Variants in NCKAP5 observed in about 807,000 individuals in gnomAD.
NCKAP5 encodes nck-associated protein 5.
In NCKAP5, 92 loss-of-function variants were observed where a neutral mutation model predicts 167.0. The ratio of observed to expected loss-of-function variants is 0.55; its 90% CI spans 0.47 to 0.66. The LOEUF is 0.66. Ranked by LOEUF, NCKAP5 falls within the 30% of genes least tolerant of loss-of-function variation. The probability of loss-of-function intolerance (pLI) is 0.00; values close to 1 mark genes in which losing one functional copy is unlikely to be tolerated. For synonymous variants in NCKAP5, 891 were observed against 877.4 expected, an observed-to-expected ratio of 1.02 and a Z score of -0.27; for missense variants, 2,378 against 2,315.0, an observed-to-expected ratio of 1.03 and a Z score of -0.56.
chr2:133,218,174 C>T (rs1223953165), intron 4 of NCKAP5, among the ~76,000 whole-genome samples: 2 of 151,822 alleles, frequency 1.3e-5, no homozygotes, highest in Non-Finnish European at 2.9e-5. Context: ...TATTAAATCA[C>T]CAAAAAGCCA....
At chr2:132,832,491 C>A (rs1475346380) in intron 11 of NCKAP5, among the ~76,000 whole-genome samples, 1 of 151,986 alleles carries the variant, frequency 6.6e-6, no homozygotes, top group Non-Finnish European at 1.5e-5. Flanking sequence ...GTACCTTGTA[C>A]CCATTAATTA....
chr2:133,283,354 C>T (rs961627445), intron 4 of NCKAP5, among the ~76,000 whole-genome samples: 1 of 152,096 alleles, frequency 6.6e-6, no homozygotes, highest in African/African-American at 2.4e-5. Context: ...CCCAGTAATT[C>T]AGCAGCACAC....
chr2:132,879,735 C>T (rs76689618), intron 8 of NCKAP5, among the ~76,000 whole-genome samples: 4,609 of 152,260 alleles, frequency 0.03, 228 homozygotes, highest in East Asian at 0.12. Flanking sequence ...AATCTTGGCT[C>T]TACGTGCCCC....
Position 132,718,961 on chromosome 2 carries a change from C to T in NCKAP5, c.5713+6666G>A, listed in dbSNP as rs113615586. ...CAAGGAGTAGTAACTGGACTTTGGGCGTGGCTGATGAAGGGGCATCCTGAA... is the reference window on the plus strand; with the variant it reads ...CAAGGAGTAGTAACTGGACTTTGGGTGTGGCTGATGAAGGGGCATCCTGAA... On this transcript the variant is annotated intron_variant, in intron 19 of 19. Coordinates refer to ENST00000409261, the MANE Select transcript of NCKAP5 (RefSeq NM_207363.3). 6.5e-3 allele frequency among the ~76,000 whole-genome samples: 992 copies of T among 152,210 alleles called. 14 individuals are homozygous for T. Among genetic ancestry groups the T allele is most frequent in the African/African-American group, 0.022 (925 of 41,512 alleles).
chr2:133,015,177 ATC>A (rs1425913130), intron 6 of NCKAP5, among the ~76,000 whole-genome samples: 2 of 152,126 alleles, frequency 1.3e-5, no homozygotes, highest in Non-Finnish European at 2.9e-5. Flanking sequence ...TACATAAATT[ATC>A]TCTTTTTTTT....
At chr2:133,220,660 A>G (rs563776361) in intron 4 of NCKAP5, among the ~76,000 whole-genome samples, 2 of 152,272 alleles carry the variant, frequency 1.3e-5, no homozygotes, top group South Asian at 4.1e-4. Context: ...AAATTCAGAA[A>G]AGACCTGCAA....
the NCKAP5 span, among the ~76,000 whole-genome samples, chr2:133,606,146 A>C: frequency 0.16 from 23,905 of 151,978 alleles, 1,891 homozygotes; most frequent in Middle Eastern, 0.24. Context: ...CTTCAAAAAA[A>C]ATTGAAGGCA....
chr2:133,298,919 T>A (rs1680151815), intron 4 of NCKAP5, among the ~76,000 whole-genome samples: 1 of 152,188 alleles, frequency 6.6e-6, no homozygotes, highest in Non-Finnish European at 1.5e-5. Context: ...ATCTAGCAAA[T>A]ATTGCATCAA....
intron 9 of NCKAP5, among the ~76,000 whole-genome samples, chr2:132,872,984 A>T (rs1284824349): frequency 6.6e-6 from 1 of 152,248 alleles, no homozygotes; most frequent in Non-Finnish European, 1.5e-5. Context: ...AGACATAATC[A>T]GCGAAACCAC....
chr2:133,452,335 T>G (rs985408951), intron 3 of NCKAP5, among the ~76,000 whole-genome samples: 5 of 152,130 alleles, frequency 3.3e-5, no homozygotes, highest in Non-Finnish European at 7.4e-5. Context: ...AAGCAGCAGT[T>G]GTGCAGGCAG....
chr2:133,655,584 G>A, the NCKAP5 span, among the ~76,000 whole-genome samples: 367 of 152,268 alleles, frequency 2.4e-3, 1 homozygote, highest in African/African-American at 8.4e-3. Flanking sequence ...CAGGTTTTTA[G>A]GTCATGGAAC....
chr2:133,231,465 T>C (rs1428349442), intron 4 of NCKAP5, among the ~76,000 whole-genome samples: 1 of 152,208 alleles, frequency 6.6e-6, no homozygotes, highest in Non-Finnish European at 1.5e-5. Context: ...CCAGTTTAAC[T>C]ACGCTCATGT....
chr2:133,552,394 AC>A (rs1378014221), intron 2 of NCKAP5, among the ~76,000 whole-genome samples: 2 of 137,752 alleles, frequency 1.5e-5, no homozygotes, highest in East Asian at 4.7e-4. Context: ...GCACATATAC[AC>A]CATGGAATAC....
chr2:133,619,538 C>T, the NCKAP5 span, among the ~76,000 whole-genome samples: 1 of 151,576 alleles, frequency 6.6e-6, no homozygotes, highest in Non-Finnish European at 1.5e-5. Context: ...CCAACAAAGA[C>T]AAAGAAAAAA....
intron 3 of NCKAP5, among the ~76,000 whole-genome samples, chr2:133,470,111 T>G (rs1340606852): frequency 6.6e-6 from 1 of 152,166 alleles, no homozygotes; most frequent in East Asian, 1.9e-4. Flanking sequence ...TTCCAGTTTT[T>G]CTGTTCTGCT....
chr2:132,722,599 A>G (rs1690030042), intron 19 of NCKAP5, among the ~76,000 whole-genome samples: 2 of 152,014 alleles, frequency 1.3e-5, no homozygotes, highest in South Asian at 4.2e-4. Flanking sequence ...ATGACACTCA[A>G]ATTTACATGA....
chr2:132,724,464 G>A (rs1480910495), intron 19 of NCKAP5, among the ~76,000 whole-genome samples: 1 of 152,122 alleles, frequency 6.6e-6, no homozygotes, highest in East Asian at 1.9e-4. Context: ...GTGTGTGGCT[G>A]AGGGTTGGTG....
intron 1 of NCKAP5, among the ~76,000 whole-genome samples, chr2:133,567,868 A>C (rs1005128464): frequency 6.6e-6 from 1 of 152,198 alleles, no homozygotes; most frequent in Non-Finnish European, 1.5e-5. Flanking sequence ...AACTTTCTAG[A>C]TCAGCCTAAT....
chr2:133,058,363 T>C (rs1031668215), intron 6 of NCKAP5, among the ~76,000 whole-genome samples: 4 of 152,172 alleles, frequency 2.6e-5, no homozygotes, highest in Non-Finnish European at 5.9e-5. Context: ...CTGAGAAAAG[T>C]AAATTGAAAA....
Sources: allele counts gnomAD v4.1 joint callset (sites outside exome capture counted in the v4.1 genomes callset), GRCh38; gene constraint gnomAD v4.1.1; transcripts MANE v1.5; gene names NCBI Gene and HGNC (gene_info 2026-07-23, HGNC 2026-07-21).